WASF3: variants seen among roughly 807,000 people sequenced by gnomAD.
WASF3 encodes the protein WASP family member 3, also known as actin-binding protein WASF3.
Under a neutral mutation model 46.6 loss-of-function variants are expected in WASF3, and 11 were observed. The observed-to-expected ratio is 0.24, with a 90% CI of 0.15 to 0.39. WASF3 has a LOEUF of 0.39. WASF3 is among the 10% of genes least tolerant of loss of function. The pLI is 1.00. For synonymous variants in WASF3, 242 were observed against 259.7 expected (o/e 0.93, Z 0.65); for missense variants, 576 against 669.8 (o/e 0.86, Z 1.55).
intron 3 of WASF3, among the ~76,000 whole-genome samples, chr13:26,649,790 G>A (rs1317015782): frequency 6.6e-6 from 1 of 152,182 alleles, no homozygotes; most frequent in Non-Finnish European, 1.5e-5. Context: ...TTTAAAACAA[G>A]CCCAAAACAT....
At chr13:26,575,380 A>G (rs536671018) in intron 1 of WASF3, among the ~76,000 whole-genome samples, 8 of 152,306 alleles carry the variant, frequency 5.3e-5, no homozygotes, top group African/African-American at 1.9e-4. Flanking sequence ...AAATACATAA[A>G]ATGCTTACTT....
chr13:26,579,686 C>T (rs919219219), intron 1 of WASF3, among the ~76,000 whole-genome samples: 2 of 152,148 alleles, frequency 1.3e-5, no homozygotes, highest in Non-Finnish European at 2.9e-5. Flanking sequence ...CCCCCTCACC[C>T]AGTGTTCAGC....
At chr13:26,662,602 C>T (rs9507759) in intron 3 of WASF3, among the ~76,000 whole-genome samples, 28,635 of 152,072 alleles carry the variant, frequency 0.19, 2,932 homozygotes, top group South Asian at 0.27. Flanking sequence ...GCACTGGGTA[C>T]GCATAGACAT....
In WASF3 at chr13:26,685,675, G is replaced by A; in HGVS notation, c.1352-13G>A. On this transcript the variant is annotated splice_polypyrimidine_tract_variant and intron_variant, in intron 9 of 9. Coordinates refer to ENST00000335327, the MANE Select transcript of WASF3 (RefSeq NM_006646.6). ...AAAAGGATGTGATTCTGAACCACGT[G>A]TTGTGTCTGCAGGAATTCAACTGAA... 2 of 1,613,368 alleles carry A rather than the reference G, an allele frequency of 1.2e-6. No homozygotes were observed. Among genetic ancestry groups the A allele is most frequent in the Non-Finnish European group, 8.5e-7 (1 of 1,179,316 alleles).
At chr13:26,618,570 T>C (rs1420910499) in intron 2 of WASF3, among the ~76,000 whole-genome samples, 1 of 151,966 alleles carries the variant, frequency 6.6e-6, no homozygotes, top group Admixed American at 6.6e-5. Flanking sequence ...TTATGAACTT[T>C]GTATTTTTCA....
At chr13:26,588,825 T>C (rs1880206823) in intron 1 of WASF3, among the ~76,000 whole-genome samples, 1 of 152,168 alleles carries the variant, frequency 6.6e-6, no homozygotes, top group South Asian at 2.1e-4. Context: ...TTTAAGACAG[T>C]CTCACTCTGT....
intron 2 of WASF3, among the ~76,000 whole-genome samples, chr13:26,634,254 T>G (rs1024572433): frequency 2.6e-5 from 4 of 152,328 alleles, no homozygotes; most frequent in Admixed American, 2.6e-4. Context: ...GCCTTCTTTG[T>G]CTCTTTTGAT....
chr13:26,643,103 A>G (rs997689625), intron 3 of WASF3, among the ~76,000 whole-genome samples: 5 of 152,222 alleles, frequency 3.3e-5, no homozygotes, highest in African/African-American at 1.2e-4. Context: ...TAAGACTCAA[A>G]TATGCATGAA....
At chr13:26,669,156 A>ATGTGTG (rs967442762) in intron 5 of WASF3, among the ~76,000 whole-genome samples, 1 of 147,112 alleles carries the variant, frequency 6.8e-6, no homozygotes, top group Non-Finnish European at 1.5e-5. Context: ...TCACATATAT[A>ATGTGTG]TGTGTGTGTG....
At chr13:26,627,647 C>T (rs1173611184) in intron 2 of WASF3, among the ~76,000 whole-genome samples, 2 of 152,100 alleles carry the variant, frequency 1.3e-5, no homozygotes, top group African/African-American at 2.4e-5. Context: ...AGAGAATCCT[C>T]GCAAATGGCA....
intron 1 of WASF3, among the ~76,000 whole-genome samples, chr13:26,574,719 C>T (rs1879740901): frequency 6.6e-6 from 1 of 151,842 alleles, no homozygotes; most frequent in South Asian, 2.1e-4. Flanking sequence ...TTACTCTGTT[C>T]ATTTATTGTT....
At chr13:26,569,970 T>C (rs1388106468) in intron 1 of WASF3, among the ~76,000 whole-genome samples, 2 of 152,210 alleles carry the variant, frequency 1.3e-5, no homozygotes, top group African/African-American at 4.8e-5. Flanking sequence ...TCCTTAAATG[T>C]GGTTTTGTTA....
chr13:26,607,474 G>T (rs1880833029), intron 1 of WASF3, among the ~76,000 whole-genome samples: 1 of 152,136 alleles, frequency 6.6e-6, no homozygotes, highest in Admixed American at 6.6e-5. Flanking sequence ...CAGCAGATTG[G>T]TCATTTCAGA....
intron 1 of WASF3, among the ~76,000 whole-genome samples, chr13:26,582,522 A>G (rs1880011083): frequency 6.6e-6 from 1 of 151,802 alleles, no homozygotes; most frequent in African/African-American, 2.4e-5. Flanking sequence ...ACTAAAATAC[A>G]AAAAATTAGC....
At chr13:26,642,536 G>A (rs1882030465) in intron 3 of WASF3, 133 bp downstream of exon 3, 1 of 1,140,702 alleles carries the variant, frequency 8.8e-7, no homozygotes, top group Non-Finnish European at 1.2e-6. Flanking sequence ...GTATTTCCCA[G>A]TATGAAATTG....
Position 26,594,687 on chromosome 13 carries a change from C to T in WASF3, c.-108-18274C>T, listed in dbSNP as rs139224954. ...TAAATTAAGTTCCTTCCAACTCTCC[C>T]GGTTACTTGTAGATCCTCCTTATTT... On this transcript the variant is annotated intron_variant, in intron 1 of 9. Transcript: ENST00000335327. 1.2e-4 allele frequency among the ~76,000 whole-genome samples: 19 copies of T among 152,302 alleles called. No homozygotes were observed. The East Asian group carries it at 2.3e-3, about 19-fold the overall frequency.
At chr13:26,604,164 A>G (rs933172246) in intron 1 of WASF3, among the ~76,000 whole-genome samples, 11 of 152,340 alleles carry the variant, frequency 7.2e-5, no homozygotes, top group African/African-American at 2.4e-4. Context: ...TGAGTCTTCC[A>G]TTAGACTGTT....
intron 1 of WASF3, among the ~76,000 whole-genome samples, chr13:26,606,136 G>C (rs74040623): frequency 1.3e-5 from 2 of 152,074 alleles, no homozygotes; most frequent in Admixed American, 6.6e-5. Flanking sequence ...CTTCCCATGG[G>C]TTAGCTCATT....
At chr13:26,580,795 T>A (rs1234150335) in intron 1 of WASF3, among the ~76,000 whole-genome samples, 4 of 151,912 alleles carry the variant, frequency 2.6e-5, no homozygotes, top group African/African-American at 9.7e-5. Context: ...CCGGCTAATT[T>A]TATATTTTTA....
Sources: gnomAD v4.1 joint callset for allele counts (sites outside exome capture counted in the v4.1 genomes callset) on GRCh38, gnomAD v4.1.1 for gene constraint, MANE v1.5 for transcripts, NCBI Gene and HGNC (gene_info 2026-07-23, HGNC 2026-07-21) for gene names.